The following FBXO22 variants were observed in gnomAD, a reference collection of about 807,000 sequenced individuals.
FBXO22 encodes the protein F-box only protein 22.
A neutral mutation model predicts 37.2 loss-of-function variants in FBXO22; 13 were observed. The ratio of observed to expected loss-of-function variants is 0.35; its 90% CI spans 0.23 to 0.56. The LOEUF is 0.56. Ranked by LOEUF, FBXO22 falls within the 20% of genes least tolerant of loss-of-function variation. The pLI, the probability that FBXO22 is intolerant of heterozygous loss-of-function variation, is 0.87. For missense variants in FBXO22, 446 were observed against 509.9 expected, an observed-to-expected ratio of 0.87 and a Z score of 1.21; for synonymous variants, 189 against 189.1, an observed-to-expected ratio of 1.00 and a Z score of 0.00.
Position 75,904,578 on chromosome 15 carries a change from C to T in FBXO22, c.228C>T (p.Ala76=). ...VTWISAGLAE[A]GHLEGHCLVR... ...GGATCTCCGCAGGCCTGGCGGAGGCCGGCCACCTGGAGGGGCATTGCTTGG... is the reference window on the plus strand; with the variant it reads ...GGATCTCCGCAGGCCTGGCGGAGGCTGGCCACCTGGAGGGGCATTGCTTGG... The change falls in exon 2 of 7, where the codon GCC becomes GCT. Residue 76 remains alanine, a synonymous_variant. Transcript: ENST00000308275. 1.9e-6 allele frequency: 3 copies of T among 1,613,400 alleles called. No homozygotes were observed. Among genetic ancestry groups the T allele is most frequent in the African/African-American group, 2.7e-5 (2 of 75,038 alleles).
rs143168422 is a variant in FBXO22 at position 75,909,815 on chromosome 15, A to G, written c.280-3388A>G. On this transcript the variant is annotated intron_variant, in intron 2 of 6. Transcript: ENST00000308275. ...AATTTCTGCGATACATGTGCAGAAC[A>G]TGCAGGTTTGTTACATAGGTATACA... 7.8e-3 allele frequency among the ~76,000 whole-genome samples: 1,172 copies of G among 150,318 alleles called. 9 individuals carry two copies. Among genetic ancestry groups the G allele is most frequent in the Non-Finnish European group, 0.012 (846 of 67,744 alleles).
Position 75,913,217 on chromosome 15 carries a change from A to G in FBXO22, c.294A>G (p.Leu98=), listed in dbSNP as rs1395329021. 6.2e-7 allele frequency: 1 copy of G among 1,608,766 alleles called. No homozygotes were observed. The highest frequency in any genetic ancestry group is 1.7e-5 in the Admixed American group (1 of 59,966). The change falls in exon 3 of 7, where the codon TTA becomes TTG. Residue 98 remains leucine (L), a synonymous_variant. Transcript: ENST00000308275. ...TTTCTTTGCAGAATGTTCGCATCTT[A>G]CCACATACAGTTCTTTACATGGCTG... ...VAEELENVRI[L]PHTVLYMADS...
rs1461674071 is a variant in FBXO22 at position 75,939,346 on chromosome 15, A to AACGT, written c.*6247_*6250dup. The AACGT allele has an allele frequency of 1.3e-5, 2 of 152,286 alleles. No individual in the cohort carries two copies. The highest frequency in any genetic ancestry group is 4.8e-5 in the African/African-American group (2 of 41,550). The allele number at this position is 152,286 out of a possible 1,614,324, so 9.4% of individuals were successfully genotyped here. On this transcript the variant is annotated 3_prime_UTR_variant, in exon 7 of 7. Transcript: ENST00000308275. Reference sequence around the variant, plus strand: ...AATGCTCAAAGTCCTAGAAATGCAAAACGTACTACTGCTGAACTATGAAAA... The same window carrying AACGT: ...AATGCTCAAAGTCCTAGAAATGCAAAACGTACGTACTACTGCTGAACTATGAAAA...
rs1335320360 is a variant in FBXO22, at chr15:75,936,754, A to C, written c.*3652A>C. 1 of 151,898 alleles carries C rather than the reference A, an allele frequency of 6.6e-6. No homozygotes were observed. The highest frequency in any genetic ancestry group is 1.9e-4 in the East Asian group (1 of 5,184). 9.4% of individuals were successfully genotyped at this position (151,898 alleles called of 1,614,324 possible). A position where few individuals can be genotyped will look rare whatever the true frequency, so the allele number is the denominator to read the frequency against. ...CATGCCTGGCTAATTTTGTATTTTTAGTAGAGATGGGGTTTCTCTGTGTTG... is the reference window on the plus strand; with the variant it reads ...CATGCCTGGCTAATTTTGTATTTTTCGTAGAGATGGGGTTTCTCTGTGTTG... On this transcript the variant is annotated 3_prime_UTR_variant, in exon 7 of 7. Transcript: ENST00000308275.
chr15:75,908,622 C>G (rs933172641), intron 2 of FBXO22, among the ~76,000 whole-genome samples: 2 of 152,156 alleles, frequency 1.3e-5, no homozygotes, highest in African/African-American at 4.8e-5. Flanking sequence ...ATCACAGATT[C>G]AGATGACTCG....
intron 5 of FBXO22, among the ~76,000 whole-genome samples, chr15:75,922,758 C>T (rs1900354032): frequency 6.6e-6 from 1 of 151,964 alleles, no homozygotes; most frequent in African/African-American, 2.4e-5. Context: ...ACTTTAGAGT[C>T]CAGGCAAGAA....
Position 75,932,687 on chromosome 15 carries a change from A to C in FBXO22, c.797A>C (p.Asn266Thr), listed in dbSNP as rs760297427. ...DNLSSLTSEK[N>T]PLDIDASGVV... ...TGCCACTTTTCTAAATTTTCCAGGA[A>C]CCCTCTGGATATTGATGCCTCGGGT... The change falls in exon 7 of 7, where the codon AAC becomes ACC. Residue 266 changes from asparagine to threonine, a missense_variant and splice_region_variant. Physicochemically the swap from Asn to Thr is moderately conservative, Grantham distance 65 (BLOSUM62 0). Coordinates refer to ENST00000308275, the MANE Select transcript of FBXO22 (RefSeq NM_147188.3). 5 of 1,567,386 alleles carry C rather than the reference A, an allele frequency of 3.2e-6. No homozygotes were observed. Among genetic ancestry groups the C allele is most frequent in the Non-Finnish European group, 3.5e-6 (4 of 1,159,222 alleles).
chr15:75,915,535 G>A (rs750748488), intron 4 of FBXO22, among the ~76,000 whole-genome samples: 82 of 152,034 alleles, frequency 5.4e-4, no homozygotes, highest in Non-Finnish European at 2.1e-4. Flanking sequence ...GGAGGCCGAG[G>A]CAGGCGGATC....
rs1191841250 is a variant in FBXO22, at chr15:75,936,935, G to T, written c.*3833G>T. ...TTTGCTATATAGTGACTGTTAGCCA[G>T]TAAAAACAGGGAAGATTGATTAATT... On this transcript the variant is annotated 3_prime_UTR_variant, in exon 7 of 7. Coordinates refer to ENST00000308275, the MANE Select transcript of FBXO22 (RefSeq NM_147188.3). The T allele has an allele frequency of 6.6e-6, 1 of 151,994 alleles. No homozygotes were observed. Among genetic ancestry groups the T allele is most frequent in the African/African-American group, 2.4e-5 (1 of 41,320 alleles). 9.4% of individuals were successfully genotyped at this position (151,994 alleles called of 1,614,324 possible).
chr15:75,928,476 A>G (rs2029884835), intron 5 of FBXO22, among the ~76,000 whole-genome samples: 1 of 152,168 alleles, frequency 6.6e-6, no homozygotes, highest in African/African-American at 2.4e-5. Context: ...GCAAACTAAC[A>G]CAGAAACAGA....
chr15:75,923,698 A>G (rs1200316991), intron 5 of FBXO22, among the ~76,000 whole-genome samples: 1 of 152,216 alleles, frequency 6.6e-6, no homozygotes, highest in African/African-American at 2.4e-5. Context: ...TCAGTAGTGT[A>G]TATATATTTC....
intron 6 of FBXO22, among the ~76,000 whole-genome samples, chr15:75,931,784 A>C (rs12910038): frequency 0.23 from 35,236 of 152,198 alleles, 4,936 homozygotes; most frequent in Non-Finnish European, 0.31. Context: ...AAATATAAAC[A>C]AAAACAAAGC....
intron 5 of FBXO22, among the ~76,000 whole-genome samples, chr15:75,923,838 A>C (rs925508228): frequency 5.3e-5 from 8 of 152,154 alleles, no homozygotes; most frequent in African/African-American, 1.9e-4. Context: ...GGCAGCTTGG[A>C]GCAGGGCAGT....
chr15:75,930,683 A>T lies in FBXO22; in HGVS notation c.794+634A>T, dbSNP rs532862946. 3.0e-6 allele frequency: 3 copies of T among 985,416 alleles called. No individual in the cohort carries two copies. In the South Asian group the frequency reaches 1.4e-4, roughly 46 times the overall value. 61.0% of individuals were successfully genotyped at this position (985,416 alleles called of 1,614,324 possible). A position where few individuals can be genotyped will look rare whatever the true frequency, so the allele number is the denominator to read the frequency against. ...TCTTGGGAGCCATTACTTCCTTTCC[A>T]TCTTGAATGAAAATACATATCATTT... On this transcript the variant is annotated intron_variant, in intron 6 of 6. Coordinates refer to ENST00000308275, the MANE Select transcript of FBXO22 (RefSeq NM_147188.3).
Position 75,933,247 on chromosome 15 carries a change from G to A in FBXO22, c.*145G>A. The A allele has an allele frequency of 1.5e-6, 1 of 684,208 alleles. No individual in the cohort carries two copies. The highest frequency in any genetic ancestry group is 3.0e-5 in the Admixed American group (1 of 33,222). 42.4% of individuals were successfully genotyped at this position (684,208 alleles called of 1,614,324 possible). A position where few individuals can be genotyped will look rare whatever the true frequency, so the allele number is the denominator to read the frequency against. The stretch of plus-strand genomic sequence containing the variant: ...GATTGATGCTCTAAGATCACATGAG[G>A]GTAGTATTTAATATATTAGATGAAG... On this transcript the variant is annotated 3_prime_UTR_variant, in exon 7 of 7. Transcript: ENST00000308275.
intron 4 of FBXO22, among the ~76,000 whole-genome samples, chr15:75,915,721 G>A (rs1407640732): frequency 6.6e-6 from 1 of 151,940 alleles, no homozygotes; most frequent in East Asian, 1.9e-4. Flanking sequence ...CCGACGTGGT[G>A]AAACCCCATC....
intron 5 of FBXO22, 136 bp from the exon 6 acceptor site, chr15:75,929,748 T>C (rs762981135): frequency 1.0e-5 from 9 of 873,946 alleles, no homozygotes; most frequent in South Asian, 2.1e-5. Context: ...AAATAAAAAA[T>C]GGAAAATTTG....
chr15:75,930,981 G>C (rs1188197291), intron 6 of FBXO22: 1 of 420,018 alleles, frequency 2.4e-6, no homozygotes. Context: ...TGCCAGGGAG[G>C]AGGAAGAGAG....
At chr15:75,914,021 T>C in intron 3 of FBXO22, 89 bp from the exon 4 acceptor site, 1 of 872,012 alleles carries the variant, frequency 1.1e-6, no homozygotes, top group South Asian at 1.6e-5. Context: ...ATGACTTAAA[T>C]ATTTCCAGTA....
Sources: gnomAD v4.1 joint callset for allele counts (sites outside exome capture counted in the v4.1 genomes callset) on GRCh38, gnomAD v4.1.1 for gene constraint, MANE v1.5 for transcripts, NCBI Gene and HGNC (gene_info 2026-07-23, HGNC 2026-07-21) for gene names.